ENTREP2: variants seen among roughly 807,000 people sequenced by gnomAD.
The protein encoded by ENTREP2 is protein ENTREP2.
At chr15:29,575,016 G>A in the ENTREP2 span, among the ~76,000 whole-genome samples, 1 of 152,236 alleles carries the variant, frequency 6.6e-6, no homozygotes, top group Admixed American at 6.5e-5. Flanking sequence ...GAGAAGGAAT[G>A]CGGAGAGGTG....
chr15:29,244,625 C>G, the ENTREP2 span, among the ~76,000 whole-genome samples: 1 of 152,234 alleles, frequency 6.6e-6, no homozygotes, highest in Non-Finnish European at 1.5e-5. Flanking sequence ...TGGTGGCCTG[C>G]AGGCCTTGGG....
At chr15:29,404,960 C>T in the ENTREP2 span, among the ~76,000 whole-genome samples, 3 of 152,142 alleles carry the variant, frequency 2.0e-5, no homozygotes, top group African/African-American at 7.2e-5. Context: ...GGGCCCCGGC[C>T]CCCAGTTCCT....
the ENTREP2 span, among the ~76,000 whole-genome samples, chr15:29,489,019 A>C: frequency 4.6e-5 from 7 of 152,216 alleles, no homozygotes; most frequent in African/African-American, 1.4e-4. Context: ...GAGACAATGA[A>C]AATAATTTTG....
At chr15:29,644,411 T>C in the ENTREP2 span, among the ~76,000 whole-genome samples, 1 of 152,206 alleles carries the variant, frequency 6.6e-6, no homozygotes, top group Non-Finnish European at 1.5e-5. Context: ...AGATTGCCAG[T>C]ATATAAATGA....
the ENTREP2 span, among the ~76,000 whole-genome samples, chr15:29,625,750 C>G: frequency 7.4e-4 from 113 of 152,344 alleles, no homozygotes; most frequent in African/African-American, 2.7e-3. Context: ...ACCATTTTCA[C>G]ACTTCCACTA....
At chr15:29,215,936 G>C in the ENTREP2 span, among the ~76,000 whole-genome samples, 1 of 152,086 alleles carries the variant, frequency 6.6e-6, no homozygotes, top group African/African-American at 2.4e-5. Context: ...GGAGCATTTA[G>C]GCTATTTACA....
the ENTREP2 span, among the ~76,000 whole-genome samples, chr15:29,309,554 T>A: frequency 6.6e-6 from 1 of 151,940 alleles, no homozygotes; most frequent in Non-Finnish European, 1.5e-5. Context: ...ACAAGGCAGG[T>A]GGATCACTTG....
At chr15:29,559,506 G>A in the ENTREP2 span, among the ~76,000 whole-genome samples, 1 of 152,096 alleles carries the variant, frequency 6.6e-6, no homozygotes, top group Admixed American at 6.5e-5. Context: ...CTACATTCTG[G>A]AGGTCAGAGG....
At chr15:29,652,496 T>C in the ENTREP2 span, among the ~76,000 whole-genome samples, 3 of 152,162 alleles carry the variant, frequency 2.0e-5, no homozygotes, top group African/African-American at 7.2e-5. Context: ...CGCCGCTTGC[T>C]CTCCACATTG....
the ENTREP2 span, among the ~76,000 whole-genome samples, chr15:29,328,131 C>T: frequency 6.6e-6 from 1 of 152,032 alleles, no homozygotes; most frequent in Admixed American, 6.5e-5. Flanking sequence ...AGCCATAAAA[C>T]AATATGGATG....
chr15:29,362,996 C>T, the ENTREP2 span, among the ~76,000 whole-genome samples: 1 of 152,096 alleles, frequency 6.6e-6, no homozygotes, highest in African/African-American at 2.4e-5. Context: ...AGTCCATTTT[C>T]ATAAACGAGG....
the ENTREP2 span, among the ~76,000 whole-genome samples, chr15:29,599,481 C>CTGA: frequency 9.7e-4 from 148 of 152,288 alleles, 1 homozygote; most frequent in Non-Finnish European, 1.4e-3. Context: ...CTTTAAGAAG[C>CTGA]TGATATAGAG....
chr15:29,361,808 G>T, the ENTREP2 span, among the ~76,000 whole-genome samples: 1 of 152,190 alleles, frequency 6.6e-6, no homozygotes, highest in Non-Finnish European at 1.5e-5. Flanking sequence ...ACACTTACAG[G>T]TCCAATGGGG....
At chr15:29,269,219 C>T in the ENTREP2 span, 1 of 1,614,156 alleles carries the variant, frequency 6.2e-7, no homozygotes, top group Non-Finnish European at 8.5e-7. Context: ...TCGGCATCCT[C>T]CTCCACAGGC....
chr15:29,288,690 A>G, the ENTREP2 span, among the ~76,000 whole-genome samples: 1 of 152,166 alleles, frequency 6.6e-6, no homozygotes, highest in African/African-American at 2.4e-5. Flanking sequence ...GCTGTACCCT[A>G]TAGCCTATAG....
At chr15:29,222,989 G>A in the ENTREP2 span, among the ~76,000 whole-genome samples, 1 of 152,164 alleles carries the variant, frequency 6.6e-6, no homozygotes, top group Non-Finnish European at 1.5e-5. Context: ...TGTGTTTCCA[G>A]GCAAAACTGA....
chr15:29,250,148 G>T, the ENTREP2 span, among the ~76,000 whole-genome samples: 22 of 152,280 alleles, frequency 1.4e-4, no homozygotes, highest in African/African-American at 5.3e-4. Context: ...GCAAGGCCGA[G>T]AAACAGTGAG....
the ENTREP2 span, among the ~76,000 whole-genome samples, chr15:29,408,464 T>C: frequency 6.6e-5 from 10 of 152,262 alleles, no homozygotes; most frequent in South Asian, 2.1e-3. Flanking sequence ...CTGATGGGGA[T>C]ATACAGGACT....
chr15:29,542,890 G>A, the ENTREP2 span, among the ~76,000 whole-genome samples: 2 of 152,184 alleles, frequency 1.3e-5, no homozygotes. Context: ...CCATGTCATA[G>A]TATGTGTCAG....
Sources: allele counts gnomAD v4.1 joint callset (sites outside exome capture counted in the v4.1 genomes callset), GRCh38; gene constraint gnomAD v4.1.1; transcripts MANE v1.5; gene names NCBI Gene and HGNC (gene_info 2026-07-23, HGNC 2026-07-21).